Variants in CNIH3 observed in about 807,000 individuals in gnomAD.
CNIH3 encodes the protein protein cornichon homolog 3.
In CNIH3, 14 loss-of-function variants were observed where a neutral mutation model predicts 24.1. The ratio of observed to expected loss-of-function variants is 0.58; its 90% confidence interval spans 0.38 to 0.91. The LOEUF (loss-of-function observed/expected upper bound fraction) is 0.91. CNIH3 is among the 40% of genes least tolerant of loss of function. CNIH3 has a pLI of 0.00. For synonymous variants in CNIH3, 68 were observed against 73.8 expected (o/e 0.92, Z 0.40); for missense variants, 178 against 196.8 (o/e 0.90, Z 0.57).
At chr1:224,438,587 C>G (rs1253949824) in intron 1 of CNIH3, among the ~76,000 whole-genome samples, 1 of 152,138 alleles carries the variant, frequency 6.6e-6, no homozygotes, top group African/African-American at 2.4e-5. Flanking sequence ...TTTCAGATCT[C>G]AGGTGTCTTT....
At chr1:224,496,151 C>T (rs373568145) in intron 1 of CNIH3, among the ~76,000 whole-genome samples, 5 of 152,306 alleles carry the variant, frequency 3.3e-5, no homozygotes, top group African/African-American at 9.6e-5. Context: ...AACTACATGT[C>T]GTTCTCAATA....
chr1:224,544,063 A>G (rs2124953723), intron 2 of CNIH3, among the ~76,000 whole-genome samples: 1 of 152,258 alleles, frequency 6.6e-6, no homozygotes, highest in Admixed American at 6.5e-5. Context: ...TTTGGCTGTT[A>G]AGAGATAAGA....
chr1:224,557,654 G>A (rs1159115336), intron 3 of CNIH3, among the ~76,000 whole-genome samples: 2 of 152,060 alleles, frequency 1.3e-5, no homozygotes. Context: ...AGGGGGTTTT[G>A]CCATGTTGGC....
chr1:224,704,287 G>A lies in CNIH3; in HGVS notation c.198+19444G>A, dbSNP rs1274782927. On this transcript the variant is annotated intron_variant, in intron 3 of 5. Coordinates refer to ENST00000272133, the MANE Select transcript of CNIH3 (RefSeq NM_152495.2). This position sits in a 1 kb window ranked among gnomAD's most constrained non-coding sequence, Gnocchi z 4.2. ...GAACAATGAGAAGGCTCTCTCCAGG[G>A]CAGTGTGGCCCTGCAGGGTCCTAAC... Among the ~76,000 whole-genome samples, 1 of 152,140 alleles carries A rather than the reference G, an allele frequency of 6.6e-6. No individual in the cohort carries two copies. The highest frequency in any genetic ancestry group is 1.5e-5 in the Non-Finnish European group (1 of 68,028).
intron 4 of CNIH3, among the ~76,000 whole-genome samples, chr1:224,570,439 T>G (rs1680769024): frequency 6.6e-6 from 1 of 152,232 alleles, no homozygotes. Flanking sequence ...TGTTTCTGCA[T>G]TAATTTGCTT....
At chr1:224,514,159 C>CA (rs1271952828), upstream of CNIH3, among the ~76,000 whole-genome samples, 3 of 152,208 alleles carry the variant, frequency 2.0e-5, no homozygotes, top group Non-Finnish European at 4.4e-5. Context: ...TTTTGATTTG[C>CA]ATTTGTTCAT....
At chr1:224,562,539 G>T (rs1400265893) in intron 3 of CNIH3, among the ~76,000 whole-genome samples, 1 of 152,132 alleles carries the variant, frequency 6.6e-6, no homozygotes, top group African/African-American at 2.4e-5. Flanking sequence ...GATATAGTTT[G>T]GATATTTGTC....
chr1:224,455,913 T>C (rs1675629952), intron 1 of CNIH3, among the ~76,000 whole-genome samples: 1 of 152,232 alleles, frequency 6.6e-6, no homozygotes, highest in African/African-American at 2.4e-5. Context: ...TATTGTCATA[T>C]TGAATATGAA....
At chr1:224,630,580 G>C (rs1683769716) in intron 1 of CNIH3, among the ~76,000 whole-genome samples, 1 of 151,480 alleles carries the variant, frequency 6.6e-6, no homozygotes, top group South Asian at 2.1e-4. Context: ...TTTTGTGGAG[G>C]ATAGAATTTG....
intron 5 of CNIH3, among the ~76,000 whole-genome samples, chr1:224,584,382 C>G (rs1041230880): frequency 1.3e-5 from 2 of 152,220 alleles, no homozygotes; most frequent in Non-Finnish European, 2.9e-5. Flanking sequence ...GTATTTAGGA[C>G]AGCAAGGCAC....
intron 3 of CNIH3, among the ~76,000 whole-genome samples, chr1:224,711,023 G>C (rs1003587253): frequency 3.3e-5 from 5 of 152,156 alleles, no homozygotes; most frequent in African/African-American, 1.2e-4. Context: ...CAGTCCTAGT[G>C]CATTTGGGGC....
At chr1:224,471,175 A>T (rs1400348134) in intron 1 of CNIH3, among the ~76,000 whole-genome samples, 1 of 151,774 alleles carries the variant, frequency 6.6e-6, no homozygotes, top group African/African-American at 2.4e-5. Flanking sequence ...GGTAGCTGGG[A>T]CTATAGGCAT....
At chr1:224,672,142 G>A (rs763683996) in intron 1 of CNIH3, among the ~76,000 whole-genome samples, 3 of 152,166 alleles carry the variant, frequency 2.0e-5, no homozygotes, top group Non-Finnish European at 4.4e-5. Flanking sequence ...TTGGGGACAA[G>A]ACAGAGGAAG....
intron 3 of CNIH3, among the ~76,000 whole-genome samples, chr1:224,555,004 T>C (rs887123230): frequency 2.6e-5 from 4 of 152,146 alleles, no homozygotes; most frequent in Admixed American, 2.0e-4. Context: ...CAATTTTATA[T>C]CAGGGACTTG....
chr1:224,456,653 C>T (rs1675674424), intron 1 of CNIH3, among the ~76,000 whole-genome samples: 1 of 152,218 alleles, frequency 6.6e-6, no homozygotes, highest in South Asian at 2.1e-4. Flanking sequence ...TCATGAGATC[C>T]TCCCACCTCG....
At chr1:224,608,559 C>T (rs533457182) in intron 3 of CNIH3, among the ~76,000 whole-genome samples, 3 of 152,338 alleles carry the variant, frequency 2.0e-5, no homozygotes, top group South Asian at 4.1e-4. Flanking sequence ...TTTTACAATG[C>T]TCTTCCATAC....
intron 1 of CNIH3, among the ~76,000 whole-genome samples, chr1:224,452,508 A>G (rs144371398): frequency 0.011 from 1,683 of 151,870 alleles, 31 homozygotes; most frequent in East Asian, 0.051. Context: ...TTGGCCGGGC[A>G]CGGTGGCTCA....
intron 1 of CNIH3, among the ~76,000 whole-genome samples, chr1:224,492,583 T>A (rs1044531782): frequency 6.6e-6 from 1 of 152,248 alleles, no homozygotes; most frequent in Admixed American, 6.5e-5. Context: ...ATATTCTACA[T>A]AATCATTATT....
intron 1 of CNIH3, among the ~76,000 whole-genome samples, chr1:224,456,628 C>T (rs150609108): frequency 1.8e-3 from 272 of 152,302 alleles, no homozygotes; most frequent in Admixed American, 3.4e-3. Flanking sequence ...TCAGGCTGGT[C>T]TCAAACCCCT....
Sources: allele counts gnomAD v4.1 joint callset (sites outside exome capture counted in the v4.1 genomes callset), GRCh38; gene constraint gnomAD v4.1.1; non-coding constraint Gnocchi (gnomAD v3.1); transcripts MANE v1.5; gene names NCBI Gene and HGNC (gene_info 2026-07-23, HGNC 2026-07-21).